The following CCDC88B variants were observed in gnomAD, a reference collection of about 807,000 sequenced individuals.
CCDC88B encodes the protein coiled-coil domain-containing protein 88B.
A neutral mutation model predicts 183.7 loss-of-function variants in CCDC88B; 138 were observed. That is an observed-to-expected ratio of 0.75 (90% CI 0.65 to 0.87). The LOEUF (loss-of-function observed/expected upper bound fraction) is 0.87, where lower values mean the gene tolerates loss of function less well. CCDC88B is among the 40% of genes least tolerant of loss of function. The pLI, the probability that CCDC88B is intolerant of heterozygous loss-of-function variation, is 0.00. For missense variants in CCDC88B, 1,822 were observed against 1,965.6 expected, an observed-to-expected ratio of 0.93 and a Z score of 1.38; for synonymous variants, 835 against 867.5, an observed-to-expected ratio of 0.96 and a Z score of 0.66.
rs1186162863 is a variant in CCDC88B at position 64,343,520 on chromosome 11, T to G, written c.1223T>G (p.Leu408Arg). 4 of 1,551,686 alleles carry G rather than the reference T, an allele frequency of 2.6e-6. No individual in the cohort carries two copies. Among genetic ancestry groups the G allele is most frequent in the Non-Finnish European group, 3.5e-6 (4 of 1,147,012 alleles). The change falls in exon 12 of 27, where the codon CTG becomes CGG. Residue 408 changes from leucine (L) to arginine (R), a missense_variant. Leu to Arg is a moderately radical substitution (Grantham distance 102, BLOSUM62 -2). Coordinates refer to ENST00000356786, the MANE Select transcript of CCDC88B (RefSeq NM_032251.6). ...LGEAHAELDS[L>R]RHQVDQLAEE... is the part of the protein sequence containing the mutation. ...CCTCACCCCCAGGAGCTGGACTCTC[T>G]GCGGCATCAGGTGGACCAGCTGGCT...
At position 64,357,146 on chromosome 11, in the gene CCDC88B, C is replaced by G. The variant is rs761444643; in HGVS notation, c.*52C>G. On this transcript the variant is annotated 3_prime_UTR_variant, in exon 27 of 27. Coordinates refer to ENST00000356786, the MANE Select transcript of CCDC88B (RefSeq NM_032251.6). ...TGCAGCCTTCTCGGCACTGGAGTGT[C>G]AGCGGAGGCCCCAGGCAGCCCAAGA... 15 of 1,605,290 alleles carry G rather than the reference C, an allele frequency of 9.3e-6. No homozygotes were observed. The highest frequency in any genetic ancestry group is 1.2e-5 in the Non-Finnish European group (14 of 1,172,198).
intron 14 of CCDC88B, among the ~76,000 whole-genome samples, chr11:64,346,528 C>T (rs2036112184): frequency 6.6e-6 from 1 of 152,046 alleles, no homozygotes; most frequent in South Asian, 2.1e-4. Context: ...GCAAGCTCCG[C>T]CTCCCAGGTT....
intron 18 of CCDC88B, 72 bp from the exon 19 acceptor site, chr11:64,352,058 C>T (rs2036353716): frequency 3.3e-6 from 5 of 1,510,628 alleles, no homozygotes; most frequent in South Asian, 1.3e-5. Flanking sequence ...CTGCCCTTAG[C>T]CCCCCGCCTC....
chr11:64,352,406 C>A lies in CCDC88B; in HGVS notation c.3356+20C>A. The A allele has an allele frequency of 1.3e-6, 2 of 1,513,284 alleles. No homozygotes were observed. Among genetic ancestry groups the A allele is most frequent in the Non-Finnish European group, 1.8e-6 (2 of 1,128,956 alleles). The allele number at this position is 1,513,284 out of a possible 1,614,324, so 93.7% of individuals were successfully genotyped here. A position where few individuals can be genotyped will look rare whatever the true frequency, so the allele number is the denominator to read the frequency against. On this transcript the variant is annotated intron_variant, in intron 19 of 26. Transcript: ENST00000356786. ...GGGCCGGTGAGCATCACCAAATGCC[C>A]AGCTCCTCCCCTGGCACCCCCTATC...
chr11:64,344,412 CAG>C lies in CCDC88B; in HGVS notation c.1874_1875del (p.Glu625GlyfsTer12). 1.3e-6 allele frequency: 2 copies of C among 1,589,714 alleles called. No homozygotes were observed. Among genetic ancestry groups the C allele is most frequent in the Non-Finnish European group, 1.7e-6 (2 of 1,168,592 alleles). ...GCCCCGCAGTTGCTGGGAGGAGAGA[CAG>C]AGGGAAGAGAGGCTCCCCAAGGCGA... is the stretch of plus-strand genomic sequence containing the variant. On this transcript the variant is annotated frameshift_variant, in exon 14 of 27. Transcript: ENST00000356786. LOFTEE classifies it high-confidence loss of function. This position sits in a 1 kb window ranked among gnomAD's most constrained non-coding sequence, Gnocchi z 4.5.
chr11:64,345,143 G>A lies in CCDC88B; in HGVS notation c.2602G>A (p.Glu868Lys). ...EEAERERREKEALQAELEKAV... is the reference protein window; with the variant it reads ...EEAERERREKKALQAELEKAV... ...GGCTGAGAGGGAGCGCCGGGAGAAG[G>A]AGGCCCTCCAGGCGGTAGGTCAGGT... is the stretch of plus-strand genomic sequence containing the variant. The change falls in exon 14 of 27, where the codon GAG becomes AAG. Residue 868 changes from glutamate to lysine, a missense_variant. Coordinates refer to ENST00000356786, the MANE Select transcript of CCDC88B (RefSeq NM_032251.6). 1 of 1,543,822 alleles carries A rather than the reference G, an allele frequency of 6.5e-7. No individual in the cohort carries two copies. Among genetic ancestry groups the A allele is most frequent in the Middle Eastern group, 2.2e-4 (1 of 4,514 alleles).
intron 21 of CCDC88B, 51 bp downstream of exon 21, chr11:64,353,291 C>T (rs1565058056): frequency 6.3e-7 from 1 of 1,590,506 alleles, no homozygotes; most frequent in South Asian, 1.1e-5. Flanking sequence ...GGCAGAAAGC[C>T]TAGACCCAGG....
chr11:64,343,914 G>A lies in CCDC88B; in HGVS notation c.1455G>A (p.Gln485=), dbSNP rs2035991427. 1 of 1,598,762 alleles carries A rather than the reference G, an allele frequency of 6.3e-7. No individual in the cohort carries two copies. Among genetic ancestry groups the A allele is most frequent in the Non-Finnish European group, 8.5e-7 (1 of 1,172,476 alleles). Residue 485 remains glutamine (Q), a splice_region_variant and synonymous_variant, in exon 13 of 27, where the codon CAG becomes CAA. Transcript: ENST00000356786. Reference sequence around the variant, plus strand: ...TGCTTCAGGGGCAGCCAGGGGGCCAGGTAAGTCCCCTCCCCCAGGGTCCTG... The same window carrying A: ...TGCTTCAGGGGCAGCCAGGGGGCCAAGTAAGTCCCCTCCCCCAGGGTCCTG... ...LQVLQGQPGG[Q]HPLLEAPRED... is the part of the protein sequence containing the mutation.
In CCDC88B at chr11:64,353,667, C is replaced by T. The variant is rs745729401; in HGVS notation, c.3834-48C>T. ...TGCAGCTTGTGCCTTGCTACTGCCT[C>T]GGCCTCCCTGGGCCTCACACCCACC... On this transcript the variant is annotated intron_variant, in intron 22 of 26. Coordinates refer to ENST00000356786, the MANE Select transcript of CCDC88B (RefSeq NM_032251.6). 1.0e-5 allele frequency: 16 copies of T among 1,604,820 alleles called. No individual in the cohort carries two copies. The East Asian group carries it at 1.6e-4, about 16-fold the overall frequency.
At chr11:64,350,553 G>C (rs1385610284) in intron 16 of CCDC88B, 1 of 152,286 alleles carries the variant, frequency 6.6e-6, no homozygotes. Context: ...GGGCATGGTA[G>C]TGGGCGCCTG....
intron 10 of CCDC88B, 25 bp from the exon 11 acceptor site, chr11:64,343,154 C>T (rs77179073): frequency 0.034 from 51,102 of 1,509,532 alleles, 1,007 homozygotes; most frequent in Non-Finnish European, 0.04. Context: ...TGCGTGGCTA[C>T]CGGTTCTCCC....
At chr11:64,340,790 T>A in intron 2 of CCDC88B, 38 bp downstream of exon 2, 1 of 1,575,634 alleles carries the variant, frequency 6.3e-7, no homozygotes, top group South Asian at 1.2e-5. Flanking sequence ...CGGGGAAGGA[T>A]CTGAGAGGAG....
At chr11:64,355,105 A>G in intron 24 of CCDC88B, 89 bp from the exon 25 acceptor site, 1 of 639,560 alleles carries the variant, frequency 1.6e-6, no homozygotes, top group Non-Finnish European at 1.9e-6. Context: ...CGTGAGCCTC[A>G]GCCTCCCCCC....
In CCDC88B at chr11:64,345,021, A is replaced by G. The variant is rs760240766; in HGVS notation, c.2480A>G (p.Gln827Arg). 1.6e-5 allele frequency: 24 copies of G among 1,547,538 alleles called. No homozygotes were observed. The highest frequency in any genetic ancestry group is 4.1e-5 in the African/African-American group (3 of 73,422). The change falls in exon 14 of 27, where the codon CAG (glutamine) becomes CGG (arginine). Residue 827 changes from glutamine to arginine, a missense_variant. Gln to Arg is a conservative substitution (Grantham distance 43). Coordinates refer to ENST00000356786, the MANE Select transcript of CCDC88B (RefSeq NM_032251.6). The part of the protein sequence containing the change: ...ALAAAGRERR[Q>R]WEREGSRLRA... The stretch of plus-strand genomic sequence containing the variant: ...GCAGCAGCGGGCCGGGAGCGGAGGC[A>G]GTGGGAGCGTGAGGGGTCCAGGCTG...
In CCDC88B at chr11:64,342,541, A is replaced by C; in HGVS notation, c.923A>C (p.Gln308Pro). 1 of 1,530,204 alleles carries C rather than the reference A, an allele frequency of 6.5e-7. No individual in the cohort carries two copies. The highest frequency in any genetic ancestry group is 8.7e-7 in the Non-Finnish European group (1 of 1,144,140). 94.8% of individuals were successfully genotyped at this position (1,530,204 alleles called of 1,614,324 possible). A position where few individuals can be genotyped will look rare whatever the true frequency, so the allele number is the denominator to read the frequency against. Residue 308 changes from glutamine (Q) to proline (P), a missense_variant, in exon 10 of 27, where the codon CAG becomes CCG. Gln to Pro is a moderately conservative substitution (Grantham distance 76). Coordinates refer to ENST00000356786, the MANE Select transcript of CCDC88B (RefSeq NM_032251.6). ...LRQEAQALSGQAKRAELYREE... is the reference protein window; with the variant it reads ...LRQEAQALSGPAKRAELYREE... The stretch of plus-strand genomic sequence containing the variant: ...GCCCAGGCCCAGGCGCTGTCGGGAC[A>C]GGCCAAGCGGGCCGAGCTGTACCGC...
Position 64,340,882 on chromosome 11 carries a change from C to T in CCDC88B, c.207-25C>T. The T allele has an allele frequency of 2.0e-6, 3 of 1,536,328 alleles. No individual in the cohort carries two copies. In the South Asian group the frequency reaches 3.8e-5, roughly 19 times the overall value. Reference sequence around the variant, plus strand: ...CGAGGCCTGTTGACGGGAGGCGGGTCCTCGAGCCCACCTCCGGCTCATAGT... The same window carrying T: ...CGAGGCCTGTTGACGGGAGGCGGGTTCTCGAGCCCACCTCCGGCTCATAGT... On this transcript the variant is annotated intron_variant, in intron 2 of 26. Coordinates refer to ENST00000356786, the MANE Select transcript of CCDC88B (RefSeq NM_032251.6).
At chr11:64,341,244 A>C in intron 4 of CCDC88B, 26 bp from the exon 5 acceptor site, 1 of 1,613,774 alleles carries the variant, frequency 6.2e-7, no homozygotes, top group East Asian at 2.2e-5. Flanking sequence ...CGCCCCAGTT[A>C]ACCCCTTGTG....
Position 64,344,704 on chromosome 11 carries a change from C to T in CCDC88B, c.2163C>T (p.Ala721=), listed in dbSNP as rs774365923. The change falls in exon 14 of 27, where the codon GCC becomes GCT. Residue 721 remains alanine, a synonymous_variant. Coordinates refer to ENST00000356786, the MANE Select transcript of CCDC88B (RefSeq NM_032251.6). The surrounding 1 kb of genome is among the most constrained non-coding windows in gnomAD (Gnocchi z 4.5). The stretch of plus-strand genomic sequence containing the variant: ...GCCCAATCCCAGGGGAGAGCCTGGC[C>T]AGTGGTGTCGCAGAGCAGGAGGCCC... ...WEGPIPGESL[A]SGVAEQEALR... is the part of the protein sequence containing the mutation. The T allele has an allele frequency of 5.6e-6, 9 of 1,614,106 alleles. No homozygotes were observed. The highest frequency in any genetic ancestry group is 7.6e-6 in the Non-Finnish European group (9 of 1,180,000).
intron 7 of CCDC88B, 61 bp from the exon 8 acceptor site, chr11:64,341,933 G>A: frequency 1.3e-6 from 2 of 1,531,302 alleles, no homozygotes; most frequent in Non-Finnish European, 1.8e-6. Context: ...TGTTGTGGTT[G>A]GGGGTCGATG....
Sources: gnomAD v4.1 joint callset for allele counts (sites outside exome capture counted in the v4.1 genomes callset) on GRCh38, gnomAD v4.1.1 for gene constraint, Gnocchi (gnomAD v3.1) non-coding constraint, MANE v1.5 for transcripts, NCBI Gene and HGNC (gene_info 2026-07-23, HGNC 2026-07-21) for gene names.